The following AGMO variants were observed in gnomAD, a reference collection of about 807,000 sequenced individuals.
AGMO encodes the protein alkylglycerol monooxygenase, also known as glyceryl-ether monooxygenase.
AGMO carries 75 observed loss-of-function variants against 60.2 expected under a neutral mutation model. The observed-to-expected ratio is 1.25, with a 90% confidence interval of 1.03 to 1.51. The LOEUF is 1.51. Among genes scored for constraint, AGMO ranks in the 40% most tolerant of loss-of-function variants. The pLI, the probability that AGMO is intolerant of heterozygous loss-of-function variation, is 0.00. For synonymous variants in AGMO, 261 were observed against 177.1 expected (o/e 1.47, Z -3.76); for missense variants, 763 against 525.5 (o/e 1.45, Z -4.42).
chr7:15,178,278 C>G, the AGMO span, among the ~76,000 whole-genome samples: 1 of 152,182 alleles, frequency 6.6e-6, no homozygotes, highest in East Asian at 1.9e-4. Flanking sequence ...TTGATTCTAA[C>G]TACTGACTTC....
intron 12 of AGMO, among the ~76,000 whole-genome samples, chr7:15,273,460 T>C (rs1039174216): frequency 1.3e-5 from 2 of 152,184 alleles, no homozygotes; most frequent in Non-Finnish European, 2.9e-5. Context: ...CTGAGGGCTT[T>C]GTTTTGTTCC....
intron 12 of AGMO, among the ~76,000 whole-genome samples, chr7:15,272,829 T>C (rs529805391): frequency 1.3e-5 from 2 of 152,336 alleles, no homozygotes; most frequent in African/African-American, 4.8e-5. Context: ...ATCGCCATTC[T>C]AACTGGTGTG....
At chr7:15,234,774 T>G (rs75132125) in intron 12 of AGMO, among the ~76,000 whole-genome samples, 3 of 152,188 alleles carry the variant, frequency 2.0e-5, no homozygotes, top group African/African-American at 7.2e-5. Context: ...TCACTGAAAT[T>G]TGAATTTTAC....
intron 12 of AGMO, among the ~76,000 whole-genome samples, chr7:15,218,007 T>C (rs1781793969): frequency 6.6e-6 from 1 of 152,016 alleles, no homozygotes; most frequent in African/African-American, 2.4e-5. Flanking sequence ...ACAACGAATA[T>C]ACTGCATATC....
intron 12 of AGMO, among the ~76,000 whole-genome samples, chr7:15,203,165 C>A (rs996081301): frequency 6.6e-6 from 1 of 152,078 alleles, no homozygotes; most frequent in Admixed American, 6.6e-5. Flanking sequence ...ATAAAGTTTT[C>A]GGAGTATTCT....
chr7:15,303,869 A>T (rs1162339743), intron 12 of AGMO, among the ~76,000 whole-genome samples: 1 of 152,146 alleles, frequency 6.6e-6, no homozygotes, highest in African/African-American at 2.4e-5. Context: ...TGCTGTGTTT[A>T]ATTGTGAGGA....
intron 2 of AGMO, among the ~76,000 whole-genome samples, chr7:15,547,487 A>G (rs1784814696): frequency 1.3e-5 from 2 of 152,072 alleles, no homozygotes; most frequent in Non-Finnish European, 2.9e-5. Context: ...AAGCAGGGCA[A>G]GGCATTGCCT....
chr7:15,285,967 A>C (rs1163173108), intron 12 of AGMO, among the ~76,000 whole-genome samples: 2 of 152,200 alleles, frequency 1.3e-5, no homozygotes, highest in Non-Finnish European at 2.9e-5. Context: ...AAAAATATAA[A>C]TTGGGGAAAG....
chr7:15,387,320 A>T, intron 9 of AGMO, 86 bp downstream of exon 9: 1 of 1,445,262 alleles, frequency 6.9e-7, no homozygotes, highest in Non-Finnish European at 9.4e-7. Flanking sequence ...ACAGATTTGC[A>T]TGAAAACAGC....
chr7:15,547,959 CTGGAGATCTGAGAACAGGCAGACTG>C (rs1283807231), intron 2 of AGMO, among the ~76,000 whole-genome samples: 2,332 of 151,832 alleles, frequency 0.015, 51 homozygotes, highest in Non-Finnish European at 0.025. Context: ...CAGCACGCAG[CTGGAGATCTGAGAACAGGCAGACTG>C]CCTCCTCAAG....
chr7:15,425,849 G>A (rs28498586), intron 4 of AGMO, among the ~76,000 whole-genome samples: 1 of 151,496 alleles, frequency 6.6e-6, no homozygotes. Flanking sequence ...CAATACCAAC[G>A]TAGAGAACAT....
At chr7:15,520,990 C>T (rs1184655664) in intron 3 of AGMO, among the ~76,000 whole-genome samples, 3 of 151,842 alleles carry the variant, frequency 2.0e-5, no homozygotes, top group African/African-American at 4.8e-5. Flanking sequence ...CAAACAGACA[C>T]AATAAAAAAA....
At chr7:15,155,467 T>C in the AGMO span, among the ~76,000 whole-genome samples, 1 of 138,080 alleles carries the variant, frequency 7.2e-6, no homozygotes, top group African/African-American at 2.6e-5. Context: ...GAAATTCCTG[T>C]TGTGAATTTT....
intron 12 of AGMO, among the ~76,000 whole-genome samples, chr7:15,204,286 G>C (rs1344166888): frequency 6.6e-6 from 1 of 151,972 alleles, no homozygotes; most frequent in Admixed American, 6.6e-5. Flanking sequence ...AATTTTCCTT[G>C]TCCAACTGTT....
At chr7:15,422,532 A>C (rs2128495468) in intron 4 of AGMO, among the ~76,000 whole-genome samples, 1 of 152,296 alleles carries the variant, frequency 6.6e-6, no homozygotes, top group East Asian at 1.9e-4. Context: ...ATGAACAGGG[A>C]AGACCAGAGA....
chr7:15,456,239 G>T (rs1781995336), intron 3 of AGMO, among the ~76,000 whole-genome samples: 2 of 151,890 alleles, frequency 1.3e-5, no homozygotes, highest in African/African-American at 4.8e-5. Context: ...ACATCCTCCA[G>T]TTTTATAAAT....
intron 12 of AGMO, among the ~76,000 whole-genome samples, chr7:15,343,167 T>G (rs1360068234): frequency 3.3e-5 from 5 of 152,182 alleles, no homozygotes; most frequent in Non-Finnish European, 5.9e-5. Flanking sequence ...TATATTGGTG[T>G]GATAACATAT....
Position 15,376,374 on chromosome 7 carries a change from T to G in AGMO, c.1074+9072A>C, listed in dbSNP as rs557190814. Reference sequence around the variant, plus strand: ...GCTGTAAGAGTCGACCAAAATATATTGATTTTTTTACAGGTTTTTTTCAGC... The same window carrying G: ...GCTGTAAGAGTCGACCAAAATATATGGATTTTTTTACAGGTTTTTTTCAGC... On this transcript the variant is annotated intron_variant, in intron 10 of 12. Transcript: ENST00000342526. Among the ~76,000 whole-genome samples, 3 of 115,116 alleles carry G rather than the reference T, an allele frequency of 2.6e-5. No individual in the cohort carries two copies. In the South Asian group the frequency reaches 7.6e-4, roughly 29 times the overall value. 75.5% of individuals were successfully genotyped at this position (115,116 alleles called of 152,430 possible).
At chr7:15,260,209 G>T (rs182740019) in intron 12 of AGMO, among the ~76,000 whole-genome samples, 1 of 139,624 alleles carries the variant, frequency 7.2e-6, no homozygotes, top group Non-Finnish European at 1.5e-5. Flanking sequence ...GTGACAGAGC[G>T]AGGAAAAAAA....
Sources: gnomAD v4.1 joint callset for allele counts (sites outside exome capture counted in the v4.1 genomes callset) on GRCh38, gnomAD v4.1.1 for gene constraint, MANE v1.5 for transcripts, NCBI Gene and HGNC (gene_info 2026-07-23, HGNC 2026-07-21) for gene names.